Variants in ARHGAP31 observed in about 807,000 individuals in gnomAD.
The protein encoded by ARHGAP31 is rho GTPase-activating protein 31.
In ARHGAP31, 34 loss-of-function variants were observed where a neutral mutation model predicts 113.9. The observed-to-expected ratio is 0.30, with a 90% CI of 0.23 to 0.40. The LOEUF (loss-of-function observed/expected upper bound fraction) is 0.40. Among genes scored for constraint, ARHGAP31 ranks in the 10% least tolerant of loss-of-function variants. The pLI is 1.00. For synonymous variants in ARHGAP31, 650 were observed against 684.8 expected, an observed-to-expected ratio of 0.95 and a Z score of 0.79; for missense variants, 1,548 against 1,767.1, an observed-to-expected ratio of 0.88 and a Z score of 2.22.
intron 1 of ARHGAP31, among the ~76,000 whole-genome samples, chr3:119,333,466 A>G (rs2079914776): frequency 6.6e-6 from 1 of 152,180 alleles, no homozygotes; most frequent in African/African-American, 2.4e-5. Flanking sequence ...TACTCCAGCT[A>G]TATTCTTTTT....
intron 8 of ARHGAP31, among the ~76,000 whole-genome samples, chr3:119,398,153 G>C (rs2080567977): frequency 6.6e-6 from 1 of 151,986 alleles, no homozygotes; most frequent in Non-Finnish European, 1.5e-5. Flanking sequence ...TATAGTCCTA[G>C]CTACTCCAGA....
chr3:119,383,332 G>T (rs541373057), intron 6 of ARHGAP31, 106 bp downstream of exon 6: 1 of 1,438,502 alleles, frequency 7.0e-7, no homozygotes, highest in East Asian at 2.3e-5. Flanking sequence ...AGCTCTGAGT[G>T]TTGGCTGTGT....
In ARHGAP31 at chr3:119,416,606, G is replaced by A. The variant is rs2080781741; in HGVS notation, c.*342G>A. ...TATCTATTACTCTTGAGAGCTGGCTGTCCTTTGAAAGAAAGAAGTAATGTT... is the reference window on the plus strand; with the variant it reads ...TATCTATTACTCTTGAGAGCTGGCTATCCTTTGAAAGAAAGAAGTAATGTT... On this transcript the variant is annotated 3_prime_UTR_variant, in exon 12 of 12. Transcript: ENST00000264245. 1 of 337,996 alleles carries A rather than the reference G, an allele frequency of 3.0e-6. No homozygotes were observed. Among genetic ancestry groups the A allele is most frequent in the Non-Finnish European group, 5.6e-6 (1 of 177,880 alleles). The allele number at this position is 337,996 out of a possible 1,614,324, so 20.9% of individuals were successfully genotyped here. A position where few individuals can be genotyped will look rare whatever the true frequency, so the allele number is the denominator to read the frequency against.
chr3:119,370,923 A>G (rs10934492), intron 3 of ARHGAP31, among the ~76,000 whole-genome samples: 27,097 of 152,178 alleles, frequency 0.18, 2,531 homozygotes, highest in South Asian at 0.28. Context: ...GTCACAAATT[A>G]CCAGTCTGTC....
chr3:119,318,050 T>C (rs1263116989), intron 1 of ARHGAP31, among the ~76,000 whole-genome samples: 1 of 152,030 alleles, frequency 6.6e-6, no homozygotes, highest in African/African-American at 2.4e-5. Context: ...CCTCTTTCTA[T>C]TTAATTTTGG....
chr3:119,393,415 C>T, intron 7 of ARHGAP31, 52 bp from the exon 8 acceptor site: 3 of 1,609,778 alleles, frequency 1.9e-6, no homozygotes, highest in Admixed American at 1.7e-5. Flanking sequence ...TTTAAAAGTC[C>T]CCTTGAAATG....
intron 1 of ARHGAP31, among the ~76,000 whole-genome samples, chr3:119,326,997 C>T (rs2079849984): frequency 6.6e-6 from 1 of 151,966 alleles, no homozygotes. Flanking sequence ...AAAAATTAGC[C>T]AGGCATGGTG....
At chr3:119,342,805 G>A (rs1256119358) in intron 1 of ARHGAP31, among the ~76,000 whole-genome samples, 3 of 151,954 alleles carry the variant, frequency 2.0e-5, no homozygotes, top group African/African-American at 4.8e-5. Context: ...CGAAATTAGC[G>A]GGGCTTGGTG....
chr3:119,378,637 CA>C (rs1391501446), intron 3 of ARHGAP31, among the ~76,000 whole-genome samples: 1 of 152,152 alleles, frequency 6.6e-6, no homozygotes, highest in Non-Finnish European at 1.5e-5. Context: ...GTGTGCACAG[CA>C]GAATGTGGGA....
chr3:119,329,813 G>C, intron 1 of ARHGAP31: 1 of 985,478 alleles, frequency 1.0e-6, no homozygotes, highest in African/African-American at 1.7e-5. Context: ...TGAACCATGA[G>C]CGTATTGAGA....
intron 1 of ARHGAP31, among the ~76,000 whole-genome samples, chr3:119,306,796 C>T (rs1003941557): frequency 1.3e-5 from 2 of 152,154 alleles, no homozygotes; most frequent in African/African-American, 4.8e-5. Flanking sequence ...CTACTGATCT[C>T]ACTTTGAGAA....
intron 1 of ARHGAP31, among the ~76,000 whole-genome samples, chr3:119,319,929 G>A (rs1427748628): frequency 1.3e-5 from 2 of 152,198 alleles, no homozygotes; most frequent in Non-Finnish European, 2.9e-5. Context: ...ATCAGCAAGG[G>A]ATCTCCCCTG....
intron 8 of ARHGAP31, among the ~76,000 whole-genome samples, chr3:119,394,085 A>G (rs1365895864): frequency 3.3e-5 from 5 of 152,232 alleles, no homozygotes; most frequent in Non-Finnish European, 5.9e-5. Context: ...GAGTTTGTCC[A>G]GTGTTTTCTC....
At chr3:119,389,273 T>C (rs2080482773) in intron 6 of ARHGAP31, among the ~76,000 whole-genome samples, 1 of 151,944 alleles carries the variant, frequency 6.6e-6, no homozygotes, top group Non-Finnish European at 1.5e-5. Context: ...ACAGGAGAGG[T>C]GGGCACTAAA....
At chr3:119,382,480 A>T in intron 5 of ARHGAP31, 81 bp downstream of exon 5, 4 of 1,348,880 alleles carry the variant, frequency 3.0e-6, no homozygotes, top group Non-Finnish European at 4.2e-6. Flanking sequence ...GGATTCTTCA[A>T]ATTGAAGCCC....
chr3:119,416,422 C>T lies in ARHGAP31; in HGVS notation c.*158C>T. On this transcript the variant is annotated 3_prime_UTR_variant, in exon 12 of 12. Coordinates refer to ENST00000264245, the MANE Select transcript of ARHGAP31 (RefSeq NM_020754.4). ...CCTTTTGACCACTTATTAATTAGTC[C>T]ATTTGCTAGAAGAGTGGTCAAGGGA... The T allele has an allele frequency of 9.6e-7, 1 of 1,046,472 alleles. No individual in the cohort carries two copies. The highest frequency in any genetic ancestry group is 1.4e-5 in the South Asian group (1 of 71,196). 64.8% of individuals were successfully genotyped at this position (1,046,472 alleles called of 1,614,324 possible). A position where few individuals can be genotyped will look rare whatever the true frequency, so the allele number is the denominator to read the frequency against.
chr3:119,307,678 T>C (rs189798443), intron 1 of ARHGAP31, among the ~76,000 whole-genome samples: 4 of 152,130 alleles, frequency 2.6e-5, no homozygotes, highest in Admixed American at 1.3e-4. Context: ...TAATTCTTCC[T>C]CCCTTATAAA....
chr3:119,333,043 C>G (rs546660564), intron 1 of ARHGAP31, among the ~76,000 whole-genome samples: 1 of 152,326 alleles, frequency 6.6e-6, no homozygotes, highest in East Asian at 1.9e-4. Flanking sequence ...TAAGGGCCAA[C>G]TTGGATAAGA....
intron 3 of ARHGAP31, among the ~76,000 whole-genome samples, chr3:119,375,928 T>C (rs1358839639): frequency 6.6e-6 from 1 of 152,204 alleles, no homozygotes; most frequent in Non-Finnish European, 1.5e-5. Flanking sequence ...CATAACTCAC[T>C]GTAACTTCAA....
Sources: gnomAD v4.1 joint callset for allele counts (sites outside exome capture counted in the v4.1 genomes callset) on GRCh38, gnomAD v4.1.1 for gene constraint, MANE v1.5 for transcripts, NCBI Gene and HGNC (gene_info 2026-07-23, HGNC 2026-07-21) for gene names.